Variants in IMPG1 observed in about 807,000 individuals in gnomAD.
The protein encoded by IMPG1 is interphotoreceptor matrix proteoglycan 1, also known as interphotoreceptor matrix proteoglycan of 150 kDa.
IMPG1 carries 85 observed loss-of-function variants against 92.0 expected under a neutral mutation model. That is an observed-to-expected ratio of 0.92 (90% CI 0.78 to 1.11). IMPG1 has a LOEUF of 1.11. IMPG1 is among the 50% of genes least tolerant of loss of function. IMPG1 has a pLI of 0.00. For synonymous variants in IMPG1, 367 were observed against 334.1 expected (o/e 1.10, Z -1.08); for missense variants, 1,022 against 956.0 (o/e 1.07, Z -0.91).
chr6:76,060,844 G>A (rs1378734251), intron 1 of IMPG1, among the ~76,000 whole-genome samples: 1 of 152,130 alleles, frequency 6.6e-6, no homozygotes, highest in Non-Finnish European at 1.5e-5. Context: ...ATAATATAGT[G>A]AGGAGGTCAG....
rs375446144 is a variant in IMPG1, at chr6:76,004,697, C to T, written c.1135+590G>A. Among the ~76,000 whole-genome samples the T allele has an allele frequency of 4.2e-4, 64 of 152,232 alleles. 1 individual carries two copies. Among genetic ancestry groups the T allele is most frequent in the African/African-American group, 1.4e-3 (59 of 41,546 alleles). The stretch of plus-strand genomic sequence containing the variant: ...GATCCACTCTCCCCTCCCCTCCCTG[C>T]TACTTTCTGCCCCAGAAGGTTGAAT... On this transcript the variant is annotated intron_variant, in intron 10 of 16. Transcript: ENST00000369950.
At chr6:76,024,198 C>T (rs75506567) in intron 5 of IMPG1, among the ~76,000 whole-genome samples, 9 of 152,162 alleles carry the variant, frequency 5.9e-5, no homozygotes, top group East Asian at 3.9e-4. Flanking sequence ...TAGGCACAGC[C>T]GGCTTTCTCT....
chr6:75,948,251 T>C (rs58702238), intron 13 of IMPG1, among the ~76,000 whole-genome samples: 1,724 of 152,338 alleles, frequency 0.011, 34 homozygotes, highest in African/African-American at 0.039. Context: ...GTATGCCCCA[T>C]GGCATTGTGT....
At chr6:76,064,554 A>T (rs114047990) in intron 1 of IMPG1, among the ~76,000 whole-genome samples, 2,480 of 151,864 alleles carry the variant, frequency 0.016, 56 homozygotes, top group African/African-American at 0.056. Flanking sequence ...ACCTCAGCAC[A>T]TTTCACCGGG....
At chr6:76,069,172 G>A (rs1784365400) in intron 1 of IMPG1, among the ~76,000 whole-genome samples, 1 of 152,058 alleles carries the variant, frequency 6.6e-6, no homozygotes, top group African/African-American at 2.4e-5. Context: ...ATAGCCATAT[G>A]GAGAAGAATT....
At chr6:75,994,677 C>A (rs1030448898) in intron 12 of IMPG1, among the ~76,000 whole-genome samples, 1 of 152,142 alleles carries the variant, frequency 6.6e-6, no homozygotes, top group Non-Finnish European at 1.5e-5. Context: ...CAGAACAGCA[C>A]GGGAAAGACC....
intron 12 of IMPG1, among the ~76,000 whole-genome samples, chr6:75,974,393 T>TGCTTGCTTCC: frequency 1.5e-5 from 1 of 65,008 alleles, no homozygotes; most frequent in Admixed American, 1.9e-4. Context: ...CTTTCTTTCT[T>TGCTTGCTTCC]TTCTTTCTTT....
chr6:75,942,145 C>A (rs147525241), intron 14 of IMPG1, among the ~76,000 whole-genome samples: 1 of 152,266 alleles, frequency 6.6e-6, no homozygotes, highest in East Asian at 1.9e-4. Context: ...TGATAGGATG[C>A]CTTCTCTATT....
intron 12 of IMPG1, among the ~76,000 whole-genome samples, chr6:76,001,914 T>C (rs1363655026): frequency 6.6e-6 from 1 of 152,242 alleles, no homozygotes; most frequent in African/African-American, 2.4e-5. Context: ...TTAATTCTGC[T>C]ATCATACCAT....
At chr6:76,064,766 T>C (rs770896615) in intron 1 of IMPG1, among the ~76,000 whole-genome samples, 2 of 152,128 alleles carry the variant, frequency 1.3e-5, no homozygotes, top group Non-Finnish European at 2.9e-5. Flanking sequence ...AGCATATACC[T>C]ATCAGCTTCT....
At chr6:76,024,640 C>A (rs1384897938) in intron 5 of IMPG1, among the ~76,000 whole-genome samples, 2 of 147,868 alleles carry the variant, frequency 1.4e-5, no homozygotes, top group African/African-American at 4.8e-5. Flanking sequence ...GCCTTAAAAT[C>A]CATAGTGTTT....
At chr6:76,010,204 C>T (rs1783161499) in intron 8 of IMPG1, among the ~76,000 whole-genome samples, 1 of 152,202 alleles carries the variant, frequency 6.6e-6, no homozygotes, top group Non-Finnish European at 1.5e-5. Context: ...GGAGCCCTTG[C>T]TCTGTACATC....
At chr6:76,002,620 T>C (rs772472881) in intron 12 of IMPG1, among the ~76,000 whole-genome samples, 17 of 152,346 alleles carry the variant, frequency 1.1e-4, no homozygotes, top group Admixed American at 1.1e-3. Context: ...ATTGTTGTTC[T>C]GGGTGAGCAG....
chr6:75,931,013 C>T lies in IMPG1; in HGVS notation c.2183G>A (p.Gly728Asp), dbSNP rs190960703. Residue 728 changes from glycine to aspartate, a missense_variant, in exon 15 of 17, where the codon GGC becomes GAC. Physicochemically the swap from Gly to Asp is moderately conservative, Grantham distance 94 (BLOSUM62 -1). Transcript: ENST00000369950. ...TTCCTTTGTGCCAGGGCCACAGAGG[C>T]CTGGTTCCAGACCGTCCAGGCTCCC... ...SQGSLDGLEP[G>D]LCGPGTKECE... 4 of 1,614,122 alleles carry T rather than the reference C, an allele frequency of 2.5e-6. No homozygotes were observed. In the African/African-American group the frequency reaches 4.0e-5, roughly 16 times the overall value.
chr6:75,967,591 T>C (rs960989024), intron 12 of IMPG1, among the ~76,000 whole-genome samples: 2 of 152,136 alleles, frequency 1.3e-5, no homozygotes, highest in Admixed American at 6.5e-5. Context: ...TTATACCTCA[T>C]GAACTAAGCC....
chr6:75,969,693 A>G (rs911407660), intron 12 of IMPG1, among the ~76,000 whole-genome samples: 1 of 152,150 alleles, frequency 6.6e-6, no homozygotes, highest in Admixed American at 6.5e-5. Flanking sequence ...AGATCACGCC[A>G]CAGTACTCCA....
chr6:75,932,661 A>G (rs1032139354), intron 14 of IMPG1, among the ~76,000 whole-genome samples: 9 of 152,064 alleles, frequency 5.9e-5, no homozygotes, highest in Admixed American at 5.9e-4. Flanking sequence ...TTTCCTTAGA[A>G]TAATGAACTT....
intron 12 of IMPG1, among the ~76,000 whole-genome samples, chr6:75,985,019 G>A (rs561559710): frequency 1.3e-5 from 2 of 152,244 alleles, no homozygotes; most frequent in African/African-American, 4.8e-5. Context: ...AAATAACCCA[G>A]CTTCAGGTAT....
intron 12 of IMPG1, 109 bp from the exon 13 acceptor site, chr6:75,951,203 C>T (rs548488478): frequency 3.1e-5 from 24 of 770,508 alleles, no homozygotes; most frequent in East Asian, 5.3e-5. Flanking sequence ...ATAGCATTTG[C>T]GTAGATCATT....
Sources: allele counts gnomAD v4.1 joint callset (sites outside exome capture counted in the v4.1 genomes callset), GRCh38; gene constraint gnomAD v4.1.1; transcripts MANE v1.5; gene names NCBI Gene and HGNC (gene_info 2026-07-23, HGNC 2026-07-21).